Variants in HVCN1 observed in about 807,000 individuals in gnomAD.
The protein encoded by HVCN1 is voltage-gated hydrogen channel 1.
HVCN1 carries 14 observed loss-of-function variants against 29.2 expected under a neutral mutation model. That is an observed-to-expected ratio of 0.48 (90% confidence interval 0.32 to 0.75). The LOEUF (loss-of-function observed/expected upper bound fraction) is 0.75. HVCN1 is among the 30% of genes least tolerant of loss of function. The probability of loss-of-function intolerance (pLI) is 0.04; values close to 1 mark genes in which losing one functional copy is unlikely to be tolerated. For synonymous variants in HVCN1, 131 were observed against 133.2 expected, an observed-to-expected ratio of 0.98 and a Z score of 0.11; for missense variants, 263 against 341.8, an observed-to-expected ratio of 0.77 and a Z score of 1.82.
chr12:110,654,459 G>C (rs2067917649), intron 5 of HVCN1, among the ~76,000 whole-genome samples: 1 of 148,020 alleles, frequency 6.8e-6, no homozygotes, highest in Admixed American at 6.9e-5. Flanking sequence ...GGCGGGGGAT[G>C]GGGGGGAAAT....
At chr12:110,659,707 C>T (rs147728349) in intron 4 of HVCN1, among the ~76,000 whole-genome samples, 12,116 of 151,858 alleles carry the variant, frequency 0.08, 522 homozygotes, top group Middle Eastern at 0.11. Context: ...TCACTTGAGG[C>T]CAGGAATTCG....
At chr12:110,666,575 T>C (rs1290452362) in intron 3 of HVCN1, among the ~76,000 whole-genome samples, 1 of 152,160 alleles carries the variant, frequency 6.6e-6, no homozygotes, top group African/African-American at 2.4e-5. Context: ...CATGTGTACT[T>C]GTAGTGCATG....
intron 1 of HVCN1, among the ~76,000 whole-genome samples, chr12:110,702,998 G>A (rs1385833584): frequency 6.6e-6 from 1 of 151,838 alleles, no homozygotes. Context: ...ATGTTGGCTA[G>A]GCTGGTCTTG....
intron 5 of HVCN1, among the ~76,000 whole-genome samples, chr12:110,651,906 G>C (rs764058820): frequency 3.3e-3 from 504 of 152,264 alleles, no homozygotes; most frequent in Middle Eastern, 0.01. Context: ...GTGGTGGCTC[G>C]AGCCAATAGT....
chr12:110,679,782 A>T lies in HVCN1; in HGVS notation c.21+3443T>A, dbSNP rs1222127452. ...GCAGGAGAATGGCGTGAACCCGGGAAGCGGAGCTTGCAGTGAGCCGAGATT... is the reference window on the plus strand; with the variant it reads ...GCAGGAGAATGGCGTGAACCCGGGATGCGGAGCTTGCAGTGAGCCGAGATT... On this transcript the variant is annotated intron_variant, in intron 3 of 7. Coordinates refer to ENST00000242607, the MANE Select transcript of HVCN1 (RefSeq NM_032369.4). Among the ~76,000 whole-genome samples the T allele has an allele frequency of 3.3e-5, 5 of 151,788 alleles. No homozygotes were observed. In the South Asian group the frequency reaches 1.0e-3, roughly 32 times the overall value.
chr12:110,693,142 A>T (rs1314565886), upstream of HVCN1, among the ~76,000 whole-genome samples: 3 of 148,920 alleles, frequency 2.0e-5, no homozygotes, highest in Non-Finnish European at 1.5e-5. Flanking sequence ...GCCTCCCCAA[A>T]TTTTTTTTTT....
At chr12:110,656,246 A>G (rs1409171491) in intron 4 of HVCN1, among the ~76,000 whole-genome samples, 4 of 152,106 alleles carry the variant, frequency 2.6e-5, no homozygotes, top group Non-Finnish European at 4.4e-5. Flanking sequence ...GAAGATGGTG[A>G]AGGGGAGAGG....
At chr12:110,663,843 T>A (rs2068260035) in intron 3 of HVCN1, among the ~76,000 whole-genome samples, 1 of 152,158 alleles carries the variant, frequency 6.6e-6, no homozygotes, top group African/African-American at 2.4e-5. Flanking sequence ...CTCCTGGTTT[T>A]CCTCCTATCT....
intron 2 of HVCN1, among the ~76,000 whole-genome samples, chr12:110,698,407 G>A (rs1270370010): frequency 9.2e-5 from 14 of 152,148 alleles, no homozygotes; most frequent in African/African-American, 3.4e-4. Flanking sequence ...ACACTCAAGG[G>A]TTTAGCAGCA....
At chr12:110,687,441 G>T (rs1489928477) in intron 2 of HVCN1, among the ~76,000 whole-genome samples, 2 of 152,226 alleles carry the variant, frequency 1.3e-5, no homozygotes, top group Admixed American at 1.3e-4. Context: ...GAACACGTGT[G>T]CTGTGCACAG....
intron 2 of HVCN1, among the ~76,000 whole-genome samples, chr12:110,697,537 G>T (rs369751149): frequency 3.9e-5 from 6 of 152,142 alleles, no homozygotes; most frequent in African/African-American, 1.2e-4. Flanking sequence ...AGAAATGGGA[G>T]GACAGCTGGA....
chr12:110,677,104 CTG>C (rs1050531830), intron 3 of HVCN1, among the ~76,000 whole-genome samples: 23 of 152,010 alleles, frequency 1.5e-4, no homozygotes, highest in African/African-American at 5.6e-4. Flanking sequence ...ACTTGGGAGA[CTG>C]AGAGAGGCGG....
chr12:110,689,335 GC>G (rs2069343515), upstream of HVCN1: 1 of 152,434 alleles, frequency 6.6e-6, no homozygotes, highest in Non-Finnish European at 1.5e-5. The surrounding 1 kb of genome is among the most constrained non-coding windows in gnomAD (Gnocchi z 5.7). Flanking sequence ...GCTGCCTCCC[GC>G]CCCGCAGGGT....
At chr12:110,673,132 G>T (rs1308027533) in intron 3 of HVCN1, among the ~76,000 whole-genome samples, 3 of 152,214 alleles carry the variant, frequency 2.0e-5, no homozygotes, top group African/African-American at 4.8e-5. Flanking sequence ...GAATGACTTT[G>T]CCCAGAATGC....
chr12:110,677,580 T>C (rs2068789615), intron 3 of HVCN1, among the ~76,000 whole-genome samples: 2 of 152,162 alleles, frequency 1.3e-5, no homozygotes, highest in Non-Finnish European at 2.9e-5. Flanking sequence ...ATGAAACCCC[T>C]GAGCAAATCT....
intron 2 of HVCN1, among the ~76,000 whole-genome samples, chr12:110,686,763 TTTCTAAATAGC>T (rs2069199141): frequency 6.6e-6 from 1 of 152,230 alleles, no homozygotes; most frequent in Non-Finnish European, 1.5e-5. Flanking sequence ...GGGGATGATT[TTTCTAAATAGC>T]TACCTGGTCA....
intron 2 of HVCN1, among the ~76,000 whole-genome samples, chr12:110,683,749 A>G (rs1325148367): frequency 2.0e-5 from 3 of 152,028 alleles, no homozygotes; most frequent in East Asian, 3.9e-4. Flanking sequence ...CGTCTCTACT[A>G]AAAATACAAA....
intron 7 of HVCN1, 44 bp from the exon 8 acceptor site, chr12:110,649,519 G>T: frequency 7.0e-7 from 1 of 1,418,780 alleles, no homozygotes; most frequent in Non-Finnish European, 9.8e-7. Flanking sequence ...TTTGAGCCTC[G>T]CCAGGGATGT....
At chr12:110,695,355 TTTTG>T (rs1412305901) in intron 2 of HVCN1, among the ~76,000 whole-genome samples, 3 of 148,078 alleles carry the variant, frequency 2.0e-5, no homozygotes, top group African/African-American at 7.6e-5. Flanking sequence ...ATTACATATA[TTTTG>T]TTTATTTTGT....
Sources: allele counts gnomAD v4.1 joint callset (sites outside exome capture counted in the v4.1 genomes callset), GRCh38; gene constraint gnomAD v4.1.1; non-coding constraint Gnocchi (gnomAD v3.1); transcripts MANE v1.5; gene names NCBI Gene and HGNC (gene_info 2026-07-23, HGNC 2026-07-21).